SCML2: variants seen among roughly 807,000 people sequenced by gnomAD.
SCML2 encodes Scm polycomb group protein like 2, also known as sex comb on midleg-like protein 2.
SCML2 carries 6 observed loss-of-function variants against 48.4 expected under a neutral mutation model. The observed-to-expected ratio is 0.12, with a 90% confidence interval of 0.07 to 0.24. The LOEUF is 0.24. Among genes scored for constraint, SCML2 ranks in the 10% least tolerant of loss-of-function variants. The probability of loss-of-function intolerance (pLI) is 1.00; values close to 1 mark genes in which losing one functional copy is unlikely to be tolerated. For synonymous variants in SCML2, 181 were observed against 189.5 expected, an observed-to-expected ratio of 0.95 and a Z score of 0.37; for missense variants, 377 against 528.2, an observed-to-expected ratio of 0.71 and a Z score of 2.81.
chrX:18,343,256 T>G (rs1930077693), intron 1 of SCML2, among the ~76,000 whole-genome samples: 1 of 108,345 alleles, frequency 9.2e-6, no homozygotes, highest in Admixed American at 1.0e-4. Flanking sequence ...AGTAGTGATC[T>G]TCAGTAAGGG....
At chrX:18,335,171 C>T (rs1477608016) in intron 1 of SCML2, among the ~76,000 whole-genome samples, 1 of 110,160 alleles carries the variant, frequency 9.1e-6, no homozygotes, top group Non-Finnish European at 1.9e-5. Context: ...TACTTACCGA[C>T]TCTCATCAAA....
At position 18,291,575 on chromosome X, in the gene SCML2, G is replaced by A. The variant is rs147393577; in HGVS notation, c.730+13397C>T. ...ATCAAGGAGCATTCATAGATGCCTCGTTACATTTTTTAAGAAACTAGGCAA... is the reference window on the plus strand; with the variant it reads ...ATCAAGGAGCATTCATAGATGCCTCATTACATTTTTTAAGAAACTAGGCAA... On this transcript the variant is annotated intron_variant, in intron 7 of 14. Coordinates refer to ENST00000251900, the MANE Select transcript of SCML2 (RefSeq NM_006089.3). Among the ~76,000 whole-genome samples, 563 of 111,310 alleles carry A rather than the reference G, an allele frequency of 5.1e-3. 2 individuals carry two copies. Among genetic ancestry groups the A allele is most frequent in the African/African-American group, 0.017 (525 of 30,753 alleles).
intron 11 of SCML2, among the ~76,000 whole-genome samples, chrX:18,250,490 T>G (rs1926613521): frequency 9.1e-6 from 1 of 109,918 alleles, no homozygotes; most frequent in African/African-American, 3.3e-5. Context: ...CATGCCATTC[T>G]CCTGCCTCAG....
At chrX:18,304,842 G>A (rs1048604411) in intron 7 of SCML2, 130 bp downstream of exon 7, 13 of 701,828 alleles carry the variant, frequency 1.9e-5, no homozygotes, top group Non-Finnish European at 2.6e-5. Flanking sequence ...CCTGGACAGC[G>A]CTTTGTTCTG....
chrX:18,343,636 T>A (rs1414964314), intron 1 of SCML2, among the ~76,000 whole-genome samples: 3 of 107,991 alleles, frequency 2.8e-5, no homozygotes, highest in African/African-American at 1.0e-4. Context: ...GGCGGGCGCC[T>A]GTAATCCCAG....
intron 7 of SCML2, among the ~76,000 whole-genome samples, chrX:18,295,222 G>A (rs1928355106): frequency 9.0e-6 from 1 of 111,619 alleles, no homozygotes; most frequent in Non-Finnish European, 1.9e-5. Context: ...AGGGGTCCAG[G>A]GTATTGCCCC....
At chrX:18,331,341 A>C (rs1929656329) in intron 2 of SCML2, among the ~76,000 whole-genome samples, 1 of 108,112 alleles carries the variant, frequency 9.2e-6, no homozygotes, top group East Asian at 2.9e-4. Flanking sequence ...GTTTAAATTA[A>C]CATGTCCTAG....
chrX:18,309,154 T>C (rs886701422), intron 6 of SCML2, among the ~76,000 whole-genome samples: 1 of 103,656 alleles, frequency 9.6e-6, no homozygotes, highest in Non-Finnish European at 2.0e-5. Context: ...TGAGCCGAGA[T>C]TGGGCCACTG....
At chrX:18,343,033 T>C (rs1224866501) in intron 1 of SCML2, among the ~76,000 whole-genome samples, 1 of 111,968 alleles carries the variant, frequency 8.9e-6, no homozygotes, top group Non-Finnish European at 1.9e-5. Context: ...TTTAACAAAC[T>C]AATGGGTCTA....
In SCML2 at chrX:18,251,567, C is replaced by T. The variant is rs7056797; in HGVS notation, c.1457-3685G>A. On this transcript the variant is annotated intron_variant, in intron 11 of 14. Coordinates refer to ENST00000251900, the MANE Select transcript of SCML2 (RefSeq NM_006089.3). ...CTCATCATCAACTACTGGAAAAATG[C>T]AAATCACACCATAATGAGATACCAT... is the stretch of plus-strand genomic sequence containing the variant. 2.8e-3 allele frequency among the ~76,000 whole-genome samples: 316 copies of T among 111,566 alleles called. 2 individuals are homozygous for T. The highest frequency in any genetic ancestry group is 9.5e-3 in the African/African-American group (292 of 30,716).
intron 7 of SCML2, 71 bp from the exon 8 acceptor site, chrX:18,265,873 A>G (rs1477613726): frequency 1.0e-5 from 8 of 800,262 alleles, no homozygotes; most frequent in African/African-American, 2.1e-5. Flanking sequence ...ATGACTCAAA[A>G]TAAGTTTTAC....
chrX:18,346,188 G>A (rs749701605), intron 1 of SCML2, among the ~76,000 whole-genome samples: 39 of 110,685 alleles, frequency 3.5e-4, no homozygotes, highest in Admixed American at 8.7e-4. Flanking sequence ...TGTGAGATCT[G>A]AGACAATCCC....
intron 8 of SCML2, among the ~76,000 whole-genome samples, chrX:18,261,856 ACTTTT>A (rs1927076219): frequency 9.1e-6 from 1 of 109,795 alleles, no homozygotes; most frequent in Admixed American, 9.5e-5. Context: ...AACTTTTCTT[ACTTTT>A]ATTTTTCATT....
intron 7 of SCML2, among the ~76,000 whole-genome samples, chrX:18,283,366 C>T: frequency 8.9e-6 from 1 of 111,994 alleles, no homozygotes; most frequent in East Asian, 2.8e-4. Context: ...AAAGCTGGAA[C>T]CATTCCCCTT....
At position 18,265,700 on chromosome X, in the gene SCML2, T is replaced by A; in HGVS notation, c.833A>T (p.Gln278Leu). 1 of 1,210,322 alleles carries A rather than the reference T, an allele frequency of 8.3e-7. No individual in the cohort carries two copies. The highest frequency in any genetic ancestry group is 1.1e-6 in the Non-Finnish European group (1 of 894,117). The change falls in exon 8 of 15, where the codon CAG (glutamine) becomes CTG (leucine). Residue 278 changes from glutamine (Q) to leucine (L), a missense_variant. Gln to Leu is a moderately radical substitution (Grantham distance 113). This residue lies in a region of SCML2 where 299 missense variants were observed against 425.5 expected (regional missense o/e 0.70). Coordinates refer to ENST00000251900, the MANE Select transcript of SCML2 (RefSeq NM_006089.3). ...AATTCGACTTGATCTCCTGACCTGC[T>A]GTGTTGGTAATATTAGAGTAGTTTT... is the stretch of plus-strand genomic sequence containing the variant. The part of the protein sequence containing the change: ...PQKTTLILPT[Q>L]QVRRSSRIKP...
chrX:18,270,831 T>C (rs768044068), intron 7 of SCML2, among the ~76,000 whole-genome samples: 2 of 111,411 alleles, frequency 1.8e-5, no homozygotes, highest in South Asian at 3.8e-4. Flanking sequence ...ACACAAACTT[T>C]GTGTGTTCAT....
At chrX:18,244,763 T>C (rs1926383766) in intron 13 of SCML2, among the ~76,000 whole-genome samples, 1 of 110,701 alleles carries the variant, frequency 9.0e-6, no homozygotes, top group Admixed American at 9.7e-5. Context: ...CTCGACATCA[T>C]TGGATTTCTT....
At chrX:18,324,853 C>A in intron 4 of SCML2, 54 bp downstream of exon 4, 1 of 902,636 alleles carries the variant, frequency 1.1e-6, no homozygotes, top group Non-Finnish European at 1.6e-6. Context: ...ACACAGACGT[C>A]CTCCAACAAG....
At chrX:18,344,143 G>A (rs761198715) in intron 1 of SCML2, among the ~76,000 whole-genome samples, 68 of 108,843 alleles carry the variant, frequency 6.2e-4, no homozygotes, top group Admixed American at 1.4e-3. Flanking sequence ...AGACCAGCCC[G>A]GGCAACATAG....
Sources: gnomAD v4.1 joint callset for allele counts (sites outside exome capture counted in the v4.1 genomes callset) on GRCh38, gnomAD v4.1.1 for gene constraint, gnomAD v4.1.1 regional missense constraint, MANE v1.5 for transcripts, NCBI Gene and HGNC (gene_info 2026-07-23, HGNC 2026-07-21) for gene names.